RINT1: variants seen among roughly 807,000 people sequenced by gnomAD.
RINT1 encodes RAD50-interacting protein 1.
RINT1 carries 75 observed loss-of-function variants against 97.7 expected under a neutral mutation model. The ratio of observed to expected loss-of-function variants is 0.77; its 90% CI spans 0.64 to 0.93. The LOEUF is 0.93. RINT1 is among the 40% of genes least tolerant of loss of function. The probability of loss-of-function intolerance (pLI) is 0.00; values close to 1 mark genes in which losing one functional copy is unlikely to be tolerated. For missense variants in RINT1, 892 were observed against 925.2 expected (o/e 0.96, Z 0.47); for synonymous variants, 303 against 326.3 (o/e 0.93, Z 0.77).
Position 105,565,321 on chromosome 7 carries a change from T to C in RINT1, c.1931T>C (p.Leu644Pro). 7 of 1,614,226 alleles carry C rather than the reference T, an allele frequency of 4.3e-6. No homozygotes were observed. Among genetic ancestry groups the C allele is most frequent in the Non-Finnish European group, 5.9e-6 (7 of 1,180,024 alleles). Reference protein sequence around the residue: ...PSQSEQAVMSLSSSACPLLLT... With the variant: ...PSQSEQAVMSPSSSACPLLLT... ...CAGTCAGAGCAGGCAGTGATGTCCC[T>C]GTCCAGTTCGGCTTGCCCGTTGCTG... Residue 644 changes from leucine to proline, a missense_variant, in exon 13 of 15, where the codon CTG becomes CCG. Transcript: ENST00000257700.
At chr7:105,538,372 G>A (rs1721498) in intron 3 of RINT1, among the ~76,000 whole-genome samples, 2 of 151,912 alleles carry the variant, frequency 1.3e-5, no homozygotes, top group African/African-American at 4.8e-5. Flanking sequence ...TTTGGTCATC[G>A]TATATTCTCC....
At chr7:105,556,072 T>C (rs1348644083) in intron 11 of RINT1, among the ~76,000 whole-genome samples, 5 of 151,104 alleles carry the variant, frequency 3.3e-5, no homozygotes, top group East Asian at 1.9e-4. Context: ...TCAACTTCTT[T>C]TTTTTTTTTT....
intron 12 of RINT1, among the ~76,000 whole-genome samples, chr7:105,564,470 A>G (rs1320926710): frequency 6.6e-6 from 1 of 152,164 alleles, no homozygotes; most frequent in Admixed American, 6.5e-5. Flanking sequence ...GGGGTTGAAT[A>G]GCCTAACCTG....
intron 4 of RINT1, among the ~76,000 whole-genome samples, chr7:105,543,817 G>T (rs1790553414): frequency 1.3e-5 from 2 of 152,048 alleles, no homozygotes; most frequent in Non-Finnish European, 2.9e-5. Context: ...TAGGCCAGGT[G>T]CAGTGGCTCA....
intron 11 of RINT1, among the ~76,000 whole-genome samples, chr7:105,562,544 A>G (rs1042841593): frequency 2.0e-5 from 3 of 152,202 alleles, no homozygotes; most frequent in African/African-American, 4.8e-5. Flanking sequence ...TAGACTTACC[A>G]TAAGATCCAG....
rs756212873 is a variant in RINT1, at chr7:105,555,002, A to G, written c.1472-26A>G. On this transcript the variant is annotated intron_variant, in intron 10 of 14. Transcript: ENST00000257700. ...TATCATAGATGGTACCAAAACCTTC[A>G]TATGTCTTAATAACTTTTTCCACAG... 2.5e-6 allele frequency: 4 copies of G among 1,592,310 alleles called. No homozygotes were observed. The Admixed American group carries it at 5.1e-5, about 20-fold the overall frequency.
intron 11 of RINT1, among the ~76,000 whole-genome samples, chr7:105,558,903 T>C (rs913424344): frequency 9.9e-5 from 15 of 151,910 alleles, no homozygotes; most frequent in Admixed American, 9.8e-4. Flanking sequence ...GAGACTGCAG[T>C]GAGCCTTCAT....
chr7:105,532,881 C>T lies in RINT1; in HGVS notation c.88+12C>T. On this transcript the variant is annotated intron_variant, in intron 2 of 14. Transcript: ENST00000257700. ...CCTCGAGGAGAAAAGTAAGCCAGCT[C>T]CAAACACCTTAGCTTTTTCTTCCCG... The T allele has an allele frequency of 1.9e-6, 3 of 1,613,824 alleles. No homozygotes were observed. Among genetic ancestry groups the T allele is most frequent in the Non-Finnish European group, 2.5e-6 (3 of 1,179,704 alleles).
At chr7:105,566,936 A>G (rs1791782368) in intron 14 of RINT1, 183 bp from the exon 15 acceptor site, 1 of 391,648 alleles carries the variant, frequency 2.6e-6, no homozygotes, top group Non-Finnish European at 4.5e-6. Flanking sequence ...ATCTAAAGAA[A>G]TAGCAACTCT....
At chr7:105,563,296 G>T (rs1466366380) in intron 11 of RINT1, among the ~76,000 whole-genome samples, 2 of 152,160 alleles carry the variant, frequency 1.3e-5, no homozygotes, top group Non-Finnish European at 1.5e-5. Context: ...TTTTTTCTTG[G>T]TGATGAAAAT....
intron 4 of RINT1, among the ~76,000 whole-genome samples, chr7:105,544,781 C>T (rs962412245): frequency 1.3e-5 from 2 of 152,112 alleles, no homozygotes; most frequent in Admixed American, 6.6e-5. Context: ...GGAAATATGC[C>T]GAGGGATTTA....
intron 2 of RINT1, among the ~76,000 whole-genome samples, chr7:105,533,147 A>G (rs1790102300): frequency 6.6e-6 from 1 of 152,182 alleles, no homozygotes; most frequent in Non-Finnish European, 1.5e-5. Flanking sequence ...AGTACTCAGA[A>G]TAATTGGGGC....
chr7:105,551,596 C>G lies in RINT1; in HGVS notation c.1360C>G (p.Leu454Val). 1 of 1,606,416 alleles carries G rather than the reference C, an allele frequency of 6.2e-7. No homozygotes were observed. Among genetic ancestry groups the G allele is most frequent in the African/African-American group, 1.3e-5 (1 of 74,810 alleles). ...KFALQKMDSM[L>V]SSEAAWVSQY... ...TGCTCTTCAAAAAATGGACTCAATG[C>G]TTTCCTCAGAAGCTGCCTGGGTATC... is the stretch of plus-strand genomic sequence containing the variant. Residue 454 changes from leucine to valine, a missense_variant, in exon 10 of 15, where the codon CTT (leucine) becomes GTT (valine). Leu to Val is a conservative substitution (Grantham distance 32). Transcript: ENST00000257700.
rs551139426 is a variant in RINT1 at position 105,539,242 on chromosome 7, C to T, written c.273+2493C>T. Among the ~76,000 whole-genome samples the T allele has an allele frequency of 3.9e-5, 6 of 152,234 alleles. No individual in the cohort carries two copies. The South Asian group carries it at 1.2e-3, about 32-fold the overall frequency. ...ACCACTATTTGCCTGTCACCCAGAC[C>T]TGAAGCCTAGGAGTCCTAGATTCCT... is the stretch of plus-strand genomic sequence containing the variant. On this transcript the variant is annotated intron_variant, in intron 3 of 14. Coordinates refer to ENST00000257700, the MANE Select transcript of RINT1 (RefSeq NM_021930.6).
chr7:105,551,927 T>G (rs1790945579), intron 10 of RINT1, among the ~76,000 whole-genome samples: 2 of 151,706 alleles, frequency 1.3e-5, no homozygotes, highest in Admixed American at 1.3e-4. Context: ...AATTAGCCAG[T>G]TGTGGTGGTG....
At chr7:105,537,751 G>A (rs1052631786) in intron 3 of RINT1, among the ~76,000 whole-genome samples, 4 of 151,612 alleles carry the variant, frequency 2.6e-5, no homozygotes, top group Admixed American at 6.6e-5. Flanking sequence ...CAGGAGAATC[G>A]CTTGAACCCA....
intron 3 of RINT1, among the ~76,000 whole-genome samples, chr7:105,538,509 A>G (rs2133362729): frequency 6.6e-6 from 1 of 152,240 alleles, no homozygotes; most frequent in Non-Finnish European, 1.5e-5. Context: ...GCCCAGTTGG[A>G]GGAAGTCATG....
intron 11 of RINT1, among the ~76,000 whole-genome samples, chr7:105,557,337 T>G (rs992959559): frequency 2.0e-5 from 3 of 152,154 alleles, no homozygotes; most frequent in Non-Finnish European, 4.4e-5. Context: ...TTAGATTGAT[T>G]AACTGAAGAT....
chr7:105,562,713 A>C (rs1441947236), intron 11 of RINT1, among the ~76,000 whole-genome samples: 1 of 152,072 alleles, frequency 6.6e-6, no homozygotes, highest in Non-Finnish European at 1.5e-5. Flanking sequence ...TCTGACCAAC[A>C]TGGTGAAACA....
Sources: gnomAD v4.1 joint callset for allele counts (sites outside exome capture counted in the v4.1 genomes callset) on GRCh38, gnomAD v4.1.1 for gene constraint, MANE v1.5 for transcripts, NCBI Gene and HGNC (gene_info 2026-07-23, HGNC 2026-07-21) for gene names.